The following FSTL5 variants were observed in gnomAD, a reference collection of about 807,000 sequenced individuals.
The protein encoded by FSTL5 is follistatin-related protein 5.
In FSTL5, 62 loss-of-function variants were observed where a neutral mutation model predicts 89.1. That is an observed-to-expected ratio of 0.70 (90% CI 0.57 to 0.86). FSTL5 has a LOEUF of 0.86. Among genes scored for constraint, FSTL5 ranks in the 40% least tolerant of loss-of-function variants. FSTL5 has a pLI of 0.00. For missense variants in FSTL5, 1,057 were observed against 1,001.6 expected (o/e 1.06, Z -0.75); for synonymous variants, 383 against 346.2 (o/e 1.11, Z -1.18).
intron 4 of FSTL5, among the ~76,000 whole-genome samples, chr4:161,833,215 T>G (rs1730907783): frequency 6.6e-6 from 1 of 152,086 alleles, no homozygotes; most frequent in African/African-American, 2.4e-5. Context: ...TAATCCTGAG[T>G]TCTAGTTTGA....
At chr4:161,512,446 C>T (rs1417536235) in intron 10 of FSTL5, among the ~76,000 whole-genome samples, 1 of 151,936 alleles carries the variant, frequency 6.6e-6, no homozygotes, top group Non-Finnish European at 1.5e-5. Context: ...AATGTGAATG[C>T]ATTTGTTGGG....
intron 3 of FSTL5, chr4:162,022,830 T>G (rs1253337530): frequency 6.6e-6 from 1 of 152,078 alleles, no homozygotes; most frequent in Non-Finnish European, 1.5e-5. Context: ...GCAAAGAAAG[T>G]CAAATATCAC....
chr4:162,035,394 A>G (rs1344623181), intron 2 of FSTL5: 1 of 152,098 alleles, frequency 6.6e-6, no homozygotes, highest in African/African-American at 2.4e-5. Flanking sequence ...TAAAATTCTG[A>G]ATGAGGTGAG....
At chr4:161,390,597 C>A (rs181258164) in intron 15 of FSTL5, among the ~76,000 whole-genome samples, 1 of 152,038 alleles carries the variant, frequency 6.6e-6, no homozygotes, top group Non-Finnish European at 1.5e-5. Context: ...GCACTTGCCA[C>A]GTTACAATGC....
At chr4:161,897,922 C>T (rs1321449139) in intron 4 of FSTL5, among the ~76,000 whole-genome samples, 1 of 151,730 alleles carries the variant, frequency 6.6e-6, no homozygotes, top group Non-Finnish European at 1.5e-5. Flanking sequence ...CAGTGATCTC[C>T]TTACTGTCTC....
intron 4 of FSTL5, among the ~76,000 whole-genome samples, chr4:161,779,388 A>T (rs2126807407): frequency 6.6e-6 from 1 of 152,264 alleles, no homozygotes; most frequent in South Asian, 2.1e-4. Flanking sequence ...TAGACTTTTT[A>T]GTTATAAATA....
At chr4:161,789,902 T>C (rs1045243818) in intron 4 of FSTL5, among the ~76,000 whole-genome samples, 1 of 152,198 alleles carries the variant, frequency 6.6e-6, no homozygotes, top group Non-Finnish European at 1.5e-5. Context: ...ATAGAAAGCA[T>C]ATAAAGCAAA....
chr4:161,978,014 A>G (rs1055463514), intron 3 of FSTL5, among the ~76,000 whole-genome samples: 3 of 152,228 alleles, frequency 2.0e-5, no homozygotes, highest in Admixed American at 1.3e-4. Flanking sequence ...TGTACTGACA[A>G]TATCAAAATG....
intron 4 of FSTL5, among the ~76,000 whole-genome samples, chr4:161,882,178 G>A (rs1732655189): frequency 6.6e-6 from 1 of 151,802 alleles, no homozygotes; most frequent in African/African-American, 2.4e-5. Context: ...TTTCCTCCTA[G>A]CCTCTGGTCA....
At chr4:161,843,429 T>C (rs934093740) in intron 4 of FSTL5, among the ~76,000 whole-genome samples, 1 of 152,190 alleles carries the variant, frequency 6.6e-6, no homozygotes, top group African/African-American at 2.4e-5. Context: ...TGTCCTCTTA[T>C]TTCCTTGAGC....
chr4:162,029,028 G>A (rs373920614), intron 3 of FSTL5, among the ~76,000 whole-genome samples: 6 of 151,850 alleles, frequency 4.0e-5, no homozygotes, highest in African/African-American at 9.7e-5. Flanking sequence ...ATATGTCCCC[G>A]GATACATTAG....
intron 15 of FSTL5, among the ~76,000 whole-genome samples, chr4:161,396,375 C>T: frequency 6.6e-6 from 1 of 151,756 alleles, no homozygotes; most frequent in East Asian, 1.9e-4. Flanking sequence ...GGTACAGTGG[C>T]TCATGCCTGT....
chr4:161,691,869 C>T (rs1387238712), intron 6 of FSTL5, among the ~76,000 whole-genome samples: 1 of 151,880 alleles, frequency 6.6e-6, no homozygotes, highest in East Asian at 1.9e-4. Flanking sequence ...GATCTTTTAT[C>T]CTGCATCTAT....
chr4:162,102,818 G>A (rs1281514371), intron 2 of FSTL5, among the ~76,000 whole-genome samples: 1 of 143,364 alleles, frequency 7.0e-6, no homozygotes, highest in Admixed American at 7.0e-5. Context: ...GGACAAGCTT[G>A]GCTTTAATAT....
At chr4:162,002,060 A>G (rs1464453627) in intron 3 of FSTL5, among the ~76,000 whole-genome samples, 1 of 152,108 alleles carries the variant, frequency 6.6e-6, no homozygotes, top group African/African-American at 2.4e-5. Flanking sequence ...ACACAGGAAT[A>G]TTGTACCTAA....
chr4:161,500,210 C>T (rs913609415), intron 11 of FSTL5, 76 bp from the exon 12 acceptor site: 1 of 934,184 alleles, frequency 1.1e-6, no homozygotes, highest in Non-Finnish European at 1.6e-6. Flanking sequence ...CAGTGCCTCT[C>T]ATATCTTTAG....
chr4:162,038,429 G>T (rs1387966985), intron 2 of FSTL5, among the ~76,000 whole-genome samples: 1 of 151,748 alleles, frequency 6.6e-6, no homozygotes, highest in Non-Finnish European at 1.5e-5. Context: ...CAACAATATG[G>T]TATCTTAAAT....
At chr4:162,116,997 T>C (rs2111422463) in intron 1 of FSTL5, among the ~76,000 whole-genome samples, 1 of 152,318 alleles carries the variant, frequency 6.6e-6, no homozygotes, top group African/African-American at 2.4e-5. Flanking sequence ...AGAAAGGCTA[T>C]CACTCTTACA....
intron 3 of FSTL5, among the ~76,000 whole-genome samples, chr4:162,018,705 A>G (rs1287934208): frequency 1.3e-5 from 2 of 152,068 alleles, no homozygotes; most frequent in Non-Finnish European, 2.9e-5. Context: ...CTCAAGTTCC[A>G]GAAAACTTGA....
Sources: allele counts gnomAD v4.1 joint callset (sites outside exome capture counted in the v4.1 genomes callset), GRCh38; gene constraint gnomAD v4.1.1; transcripts MANE v1.5; gene names NCBI Gene and HGNC (gene_info 2026-07-23, HGNC 2026-07-21).